Variants in CEP76 observed in about 807,000 individuals in gnomAD.
The protein encoded by CEP76 is centrosomal protein 76.
A neutral mutation model predicts 83.3 loss-of-function variants in CEP76; 55 were observed. That is an observed-to-expected ratio of 0.66 (90% CI 0.53 to 0.83). The LOEUF (loss-of-function observed/expected upper bound fraction) is 0.83. Ranked by LOEUF, CEP76 falls within the 40% of genes least tolerant of loss-of-function variation. The probability of loss-of-function intolerance (pLI) is 0.00; values close to 1 mark genes in which losing one functional copy is unlikely to be tolerated. For synonymous variants in CEP76, 270 were observed against 274.5 expected (o/e 0.98, Z 0.16); for missense variants, 694 against 799.5 (o/e 0.87, Z 1.59).
At chr18:12,697,949 T>C (rs1160714636) in intron 4 of CEP76, among the ~76,000 whole-genome samples, 1 of 152,140 alleles carries the variant, frequency 6.6e-6, no homozygotes. Context: ...TCTGAAACTT[T>C]GCTTAGTTTA....
intron 7 of CEP76, 125 bp from the exon 8 acceptor site, chr18:12,686,575 C>T (rs1278149073): frequency 2.9e-6 from 2 of 678,614 alleles, no homozygotes; most frequent in Non-Finnish European, 4.9e-6. Context: ...ACCTTGTATC[C>T]AGTATTTGGC....
intron 8 of CEP76, chr18:12,684,232 G>A (rs933675217): frequency 6.6e-6 from 1 of 151,758 alleles, no homozygotes; most frequent in Non-Finnish European, 1.5e-5. Context: ...GCCTCCCAAA[G>A]TGCTGGGATT....
chr18:12,695,879 C>T (rs1370441208), intron 5 of CEP76, among the ~76,000 whole-genome samples: 1 of 151,370 alleles, frequency 6.6e-6, no homozygotes, highest in African/African-American at 2.5e-5. Flanking sequence ...CACACACACA[C>T]ACACACTAAA....
intron 8 of CEP76, chr18:12,684,528 T>C (rs974002752): frequency 6.6e-6 from 1 of 151,530 alleles, no homozygotes; most frequent in African/African-American, 2.4e-5. Context: ...TTGCCCACAC[T>C]GGAGTGCGAT....
intron 6 of CEP76, among the ~76,000 whole-genome samples, chr18:12,693,964 T>G (rs1029576446): frequency 3.3e-5 from 5 of 152,138 alleles, no homozygotes; most frequent in African/African-American, 1.2e-4. Context: ...CCCAAGCAGC[T>G]GGGACTACAA....
chr18:12,662,128 C>G (rs1305131421), exon 13 of CEP76: 4 of 449,262 alleles, frequency 8.9e-6, no homozygotes, highest in Non-Finnish European at 1.8e-5. Flanking sequence ...CCAAGCTTTT[C>G]CCAGACACTT....
At position 12,699,041 on chromosome 18, in the gene CEP76, G is replaced by C; in HGVS notation, c.458C>G (p.Pro153Arg). 1 of 1,613,916 alleles carries C rather than the reference G, an allele frequency of 6.2e-7. No homozygotes were observed. Residue 153 changes from proline (P) to arginine (R), a missense_variant, in exon 4 of 12, where the codon CCA (proline) becomes CGA (arginine). Pro to Arg is a moderately radical substitution (Grantham distance 103). Transcript: ENST00000262127. The part of the protein sequence containing the change: ...RNQRFRSKPV[P>R]CACEPDFHDG... ...ATGAAAATCTGGTTCACAGGCACAT[G>C]GAACAGGTTTAGAACGAAAACGTTG...
At chr18:12,680,359 G>A (rs2039301253) in intron 9 of CEP76, among the ~76,000 whole-genome samples, 1 of 152,168 alleles carries the variant, frequency 6.6e-6, no homozygotes, top group African/African-American at 2.4e-5. Flanking sequence ...ACTTTGGGAG[G>A]CTGAGGTAGG....
At chr18:12,669,397 C>A (rs2038883222), downstream of CEP76, among the ~76,000 whole-genome samples, 1 of 152,008 alleles carries the variant, frequency 6.6e-6, no homozygotes, top group Admixed American at 6.6e-5. Context: ...CAGGCATGAG[C>A]CACCGCGCCT....
downstream of CEP76, among the ~76,000 whole-genome samples, chr18:12,667,848 CTTTTTT>C (rs36019439): frequency 2.6e-5 from 3 of 116,710 alleles, no homozygotes; most frequent in East Asian, 7.0e-4. Flanking sequence ...CTTTCTGATC[CTTTTTT>C]TTTTTTTTTT....
At chr18:12,688,060 G>GCA (rs1475403889) in intron 7 of CEP76, among the ~76,000 whole-genome samples, 42 of 151,682 alleles carry the variant, frequency 2.8e-4, no homozygotes, top group African/African-American at 9.2e-4. Context: ...TGGCTAACAT[G>GCA]GTGAAACCCC....
intron 4 of CEP76, 96 bp from the exon 5 acceptor site, chr18:12,697,504 T>C (rs1355329844): frequency 1.2e-5 from 10 of 837,252 alleles, no homozygotes; most frequent in Non-Finnish European, 1.6e-5. Flanking sequence ...AATAAGCTTA[T>C]ATAAAACCAA....
intron 10 of CEP76, among the ~76,000 whole-genome samples, chr18:12,676,706 AG>A (rs778646286): frequency 1.3e-5 from 2 of 152,246 alleles, no homozygotes; most frequent in Admixed American, 6.5e-5. Context: ...ATAATGGACC[AG>A]AGGTCCCCTG....
At chr18:12,670,668 A>T (rs542081423), downstream of CEP76, 62 of 45,804 alleles carry the variant, frequency 1.4e-3, no homozygotes, top group African/African-American at 5.8e-3. Flanking sequence ...TAACTTTTTT[A>T]AAAAGTTTTT....
At chr18:12,690,941 C>T (rs535153114) in intron 7 of CEP76, among the ~76,000 whole-genome samples, 13 of 149,326 alleles carry the variant, frequency 8.7e-5, no homozygotes, top group Admixed American at 5.4e-4. Context: ...TGCCCAGAGC[C>T]CCCCCCCGTT....
downstream of CEP76, among the ~76,000 whole-genome samples, chr18:12,668,597 CAAAAAAAA>C (rs752216074): frequency 1.9e-4 from 14 of 72,830 alleles, no homozygotes; most frequent in South Asian, 7.6e-4. Flanking sequence ...GATTCCATCT[CAAAAAAAA>C]AAAAAAAAAA....
chr18:12,702,593 C>A lies in CEP76; in HGVS notation c.-45G>T. The A allele has an allele frequency of 1.9e-6, 3 of 1,581,106 alleles. No homozygotes were observed. The highest frequency in any genetic ancestry group is 2.6e-6 in the Non-Finnish European group (3 of 1,168,186). On this transcript the variant is annotated 5_prime_UTR_variant, in exon 1 of 12. Coordinates refer to ENST00000262127, the MANE Select transcript of CEP76 (RefSeq NM_024899.4). ...CCGCCGCTTCTCCCCGCCTCAGATG[C>A]CCTAACTGCGCGGCCCCGGCCGGGC...
intron 6 of CEP76, chr18:12,692,159 T>TA (rs1163305797): frequency 6.6e-6 from 1 of 151,696 alleles, no homozygotes; most frequent in Non-Finnish European, 1.5e-5. Context: ...CAACTAAAAA[T>TA]ACAAAAACTA....
chr18:12,678,743 G>C (rs1026671865), intron 9 of CEP76, among the ~76,000 whole-genome samples: 1 of 152,020 alleles, frequency 6.6e-6, no homozygotes, highest in African/African-American at 2.4e-5. Context: ...ATCACCTGAG[G>C]TCAAGAGTTC....
Sources: allele counts gnomAD v4.1 joint callset (sites outside exome capture counted in the v4.1 genomes callset), GRCh38; gene constraint gnomAD v4.1.1; transcripts MANE v1.5; gene names NCBI Gene and HGNC (gene_info 2026-07-23, HGNC 2026-07-21).